The following SYNE2 variants were observed in gnomAD, a reference collection of about 807,000 sequenced individuals.
The protein encoded by SYNE2 is nesprin-2.
Under a neutral mutation model 856.3 loss-of-function variants are expected in SYNE2, and 431 were observed. The ratio of observed to expected loss-of-function variants is 0.50; its 90% CI spans 0.47 to 0.55. The LOEUF (loss-of-function observed/expected upper bound fraction) is 0.55. Ranked by LOEUF, SYNE2 falls within the 20% of genes least tolerant of loss-of-function variation. SYNE2 has a pLI of 0.00. For missense variants in SYNE2, 8,129 were observed against 8,023.2 expected, an observed-to-expected ratio of 1.01 and a Z score of -0.50; for synonymous variants, 2,923 against 2,872.3, an observed-to-expected ratio of 1.02 and a Z score of -0.56.
Position 64,126,704 on chromosome 14 carries a change from A to C in SYNE2, c.13814A>C (p.Glu4605Ala), listed in dbSNP as rs766721405. Residue 4605 changes from glutamate (E) to alanine (A), a missense_variant, in exon 73 of 116, where the codon GAA (glutamate) becomes GCA (alanine). Glu to Ala is a moderately radical substitution (Grantham distance 107). This residue lies in a region of SYNE2 where 5,410 missense variants were observed against 5,284.8 expected (regional missense o/e 1.02). Coordinates refer to ENST00000555002, the MANE Select transcript of SYNE2 (RefSeq NM_182914.3). Reference sequence around the variant, plus strand: ...GGCGAGAACACCAACTTGCTCCTTGAATGTTTTGACAACCTTCAAGTCTGC... The same window carrying C: ...GGCGAGAACACCAACTTGCTCCTTGCATGTTTTGACAACCTTCAAGTCTGC... ...WPGENTNLLL[E>A]CFDNLQVCLE... 67 of 1,614,068 alleles carry C rather than the reference A, an allele frequency of 4.2e-5. 1 individual carries two copies. Among genetic ancestry groups the C allele is most frequent in the Non-Finnish European group, 4.4e-5 (52 of 1,180,028 alleles).
intron 57 of SYNE2, 89 bp downstream of exon 57, chr14:64,081,669 T>G: frequency 6.9e-7 from 1 of 1,444,512 alleles, no homozygotes; most frequent in Non-Finnish European, 9.7e-7. Context: ...TTTTCCTCCT[T>G]TCCTGAAATA....
Position 64,225,620 on chromosome 14 carries a change from C to T in SYNE2, c.*94C>T, listed in dbSNP as rs2098715677. Reference sequence around the variant, plus strand: ...ACCAATCTGAGTGACTTAGTGTTGGCAAGGTCCCGGGACCTGTGCAGACTT... The same window carrying T: ...ACCAATCTGAGTGACTTAGTGTTGGTAAGGTCCCGGGACCTGTGCAGACTT... On this transcript the variant is annotated 3_prime_UTR_variant, in exon 116 of 116. Coordinates refer to ENST00000555002, the MANE Select transcript of SYNE2 (RefSeq NM_182914.3). The T allele has an allele frequency of 4.4e-6, 6 of 1,378,938 alleles. No homozygotes were observed. Among genetic ancestry groups the T allele is most frequent in the African/African-American group, 1.4e-5 (1 of 69,822 alleles). The allele number at this position is 1,378,938 out of a possible 1,614,324, so 85.4% of individuals were successfully genotyped here. A position where few individuals can be genotyped will look rare whatever the true frequency, so the allele number is the denominator to read the frequency against.
intron 98 of SYNE2, 131 bp downstream of exon 98, chr14:64,188,839 A>C (rs752281899): frequency 1.1e-6 from 1 of 929,456 alleles, no homozygotes; most frequent in Non-Finnish European, 1.7e-6. Flanking sequence ...AAGGGACTTC[A>C]CTATTTTCGA....
At position 64,022,005 on chromosome 14, in the gene SYNE2, A is replaced by G. The variant is rs1364752964; in HGVS notation, c.5501A>G (p.Asp1834Gly). The G allele has an allele frequency of 6.2e-7, 1 of 1,613,790 alleles. No homozygotes were observed. Among genetic ancestry groups the G allele is most frequent in the South Asian group, 1.1e-5 (1 of 91,064 alleles). ...AATACCAAAAAAAGTGTTTTGCAAGATCACTTTTCTAAGTTATTGAATGGT... is the reference window on the plus strand; with the variant it reads ...AATACCAAAAAAAGTGTTTTGCAAGGTCACTTTTCTAAGTTATTGAATGGT... ...LFNTKKSVLQ[D>G]HFSKLLNDQC... The change falls in exon 37 of 116, where the codon GAT becomes GGT. Residue 1834 changes from aspartate (D) to glycine (G), a missense_variant. By Grantham distance (94) the Asp-to-Gly change is moderately conservative. Transcript: ENST00000555002.
At chr14:64,225,073 G>T in intron 115 of SYNE2, 28 bp downstream of exon 115, 1 of 1,612,500 alleles carries the variant, frequency 6.2e-7, no homozygotes, top group Non-Finnish European at 8.5e-7. Context: ...TGACAGCAGT[G>T]CGTTCCCCTG....
intron 2 of SYNE2, among the ~76,000 whole-genome samples, chr14:63,931,705 TGAGG>T (rs2095758041): frequency 6.6e-6 from 1 of 152,176 alleles, no homozygotes; most frequent in Admixed American, 6.5e-5. Flanking sequence ...AAATATTTAT[TGAGG>T]ATGTTTTTTT....
intron 99 of SYNE2, among the ~76,000 whole-genome samples, chr14:64,196,512 T>C (rs1163928275): frequency 1.3e-5 from 2 of 152,178 alleles, no homozygotes; most frequent in South Asian, 2.1e-4. Flanking sequence ...AACCAGGATG[T>C]TCAGGACCAA....
chr14:64,210,407 TAGCTC>T (rs1356363778), intron 103 of SYNE2, among the ~76,000 whole-genome samples: 1 of 152,220 alleles, frequency 6.6e-6, no homozygotes, highest in Non-Finnish European at 1.5e-5. Context: ...GTGTGCATGT[TAGCTC>T]AGAGTCCAGG....
At chr14:63,859,434 T>C (rs535278216) in intron 1 of SYNE2, among the ~76,000 whole-genome samples, 1 of 152,260 alleles carries the variant, frequency 6.6e-6, no homozygotes, top group South Asian at 2.1e-4. Flanking sequence ...GATATAGGTG[T>C]TTAGTCTTTT....
intron 39 of SYNE2, 47 bp downstream of exon 39, chr14:64,024,506 C>G (rs757077310): frequency 6.4e-7 from 1 of 1,572,934 alleles, no homozygotes; most frequent in African/African-American, 1.4e-5. Context: ...CTAACCATAT[C>G]TTTATTTGTA....
chr14:64,001,922 C>T lies in SYNE2; in HGVS notation c.3639-12C>T, dbSNP rs750618626. 6.2e-6 allele frequency: 10 copies of T among 1,614,068 alleles called. No homozygotes were observed. The East Asian group carries it at 1.6e-4, about 25-fold the overall frequency. Reference sequence around the variant, plus strand: ...GTGTTTTCCCCTCATGTCTGATTTACCTTGCACCCAGAATGGAATCTTTAG... The same window carrying T: ...GTGTTTTCCCCTCATGTCTGATTTATCTTGCACCCAGAATGGAATCTTTAG... On this transcript the variant is annotated splice_polypyrimidine_tract_variant and intron_variant, in intron 28 of 115. Coordinates refer to ENST00000555002, the MANE Select transcript of SYNE2 (RefSeq NM_182914.3).
intron 1 of SYNE2, among the ~76,000 whole-genome samples, chr14:63,762,593 TTC>T (rs1414146935): frequency 0.015 from 679 of 46,054 alleles, 2 homozygotes; most frequent in Non-Finnish European, 0.019. Flanking sequence ...AATTTTTTCT[TTC>T]TTTTTTTTTT....
chr14:64,177,032 A>C (rs1023933403), intron 95 of SYNE2, among the ~76,000 whole-genome samples: 1 of 152,122 alleles, frequency 6.6e-6, no homozygotes, highest in Non-Finnish European at 1.5e-5. Flanking sequence ...TCCTGACCTC[A>C]GGTGATCCAC....
intron 31 of SYNE2, among the ~76,000 whole-genome samples, chr14:64,009,357 G>A (rs1053847601): frequency 6.6e-6 from 1 of 151,990 alleles, no homozygotes; most frequent in Non-Finnish European, 1.5e-5. Context: ...CCAACATGAT[G>A]AAACCCCTTC....
chr14:64,131,703 T>G (rs2098023534), intron 76 of SYNE2, among the ~76,000 whole-genome samples: 1 of 152,202 alleles, frequency 6.6e-6, no homozygotes, highest in Non-Finnish European at 1.5e-5. Context: ...CACTTCAGCC[T>G]CCTGAGTAGC....
intron 1 of SYNE2, among the ~76,000 whole-genome samples, chr14:63,771,476 C>T (rs1349410796): frequency 6.6e-6 from 1 of 152,182 alleles, no homozygotes; most frequent in Non-Finnish European, 1.5e-5. Context: ...AATTTCACTC[C>T]TATGTATTTA....
chr14:64,209,221 T>C, intron 101 of SYNE2: 1 of 924,378 alleles, frequency 1.1e-6, no homozygotes, highest in Non-Finnish European at 1.6e-6. Context: ...TGTCTCCTGG[T>C]TTTTTAACCT....
At chr14:64,072,224 G>A (rs1409582233) in intron 52 of SYNE2, among the ~76,000 whole-genome samples, 1 of 152,196 alleles carries the variant, frequency 6.6e-6, no homozygotes, top group East Asian at 1.9e-4. Context: ...CTGGGTCAAA[G>A]AATATAGTAG....
rs765637102 is a variant in SYNE2, at chr14:64,056,248, A to G, written c.10049A>G (p.Gln3350Arg). ...GCAATGAAGGAAGCTTTCAAAGCAC[A>G]GGAAACTGAGGCAGAAAGGTAGGTC... ...NSAMKEAFKA[Q>R]ETEAERYLEN... Residue 3350 changes from glutamine to arginine, a missense_variant, in exon 49 of 116, where the codon CAG (glutamine) becomes CGG (arginine). Transcript: ENST00000555002. 2 of 1,613,950 alleles carry G rather than the reference A, an allele frequency of 1.2e-6. No individual in the cohort carries two copies. Among genetic ancestry groups the G allele is most frequent in the Non-Finnish European group, 1.7e-6 (2 of 1,179,956 alleles).
Sources: allele counts gnomAD v4.1 joint callset (sites outside exome capture counted in the v4.1 genomes callset), GRCh38; gene constraint gnomAD v4.1.1; regional missense constraint gnomAD v4.1.1; transcripts MANE v1.5; gene names NCBI Gene and HGNC (gene_info 2026-07-23, HGNC 2026-07-21).